Variants in HEATR6 observed in about 807,000 individuals in gnomAD.
The protein encoded by HEATR6 is HEAT repeat-containing protein 6.
A neutral mutation model predicts 132.8 loss-of-function variants in HEATR6; 106 were observed. The observed-to-expected ratio is 0.80, with a 90% CI of 0.68 to 0.94. The LOEUF (loss-of-function observed/expected upper bound fraction) is 0.94, where lower values mean the gene tolerates loss of function less well. Ranked by LOEUF, HEATR6 falls within the 40% of genes least tolerant of loss-of-function variation. The pLI, the probability that HEATR6 is intolerant of heterozygous loss-of-function variation, is 0.00. For missense variants in HEATR6, 1,339 were observed against 1,425.1 expected (o/e 0.94, Z 0.97); for synonymous variants, 529 against 537.8 (o/e 0.98, Z 0.23).
chr17:60,052,562 C>T (rs1473873049), intron 14 of HEATR6, among the ~76,000 whole-genome samples: 3 of 152,122 alleles, frequency 2.0e-5, no homozygotes, highest in East Asian at 1.9e-4. Context: ...CTTCCCTGCA[C>T]ATGTTATATG....
At chr17:60,073,026 T>C in intron 4 of HEATR6, 138 bp downstream of exon 4, 4 of 512,048 alleles carry the variant, frequency 7.8e-6, no homozygotes, top group East Asian at 3.0e-5. Context: ...GATGATTTTA[T>C]TAGTAAAGTA....
At chr17:60,069,088 A>G (rs1371735657) in intron 7 of HEATR6, among the ~76,000 whole-genome samples, 1 of 152,254 alleles carries the variant, frequency 6.6e-6, no homozygotes, top group Admixed American at 6.5e-5. Flanking sequence ...TTGGCCATAC[A>G]TCTGTATGCT....
chr17:60,049,648 T>C lies in HEATR6; in HGVS notation c.2479A>G (p.Asn827Asp). ...GAAGTTGCAGCTTTCACTAAGCGAT[T>C]CTTGCTGTCATTCAGCCCGAGCAGC... ...TVLLGLNDSK[N>D]RLVKAATSRA... The change falls in exon 16 of 20, where the codon AAT (asparagine) becomes GAT (aspartate). Residue 827 changes from asparagine to aspartate, a missense_variant. Transcript: ENST00000184956. 1 of 1,613,944 alleles carries C rather than the reference T, an allele frequency of 6.2e-7. No homozygotes were observed. The highest frequency in any genetic ancestry group is 8.5e-7 in the Non-Finnish European group (1 of 1,179,830).
chr17:60,055,399 CAT>C (rs893876346), intron 14 of HEATR6, 114 bp downstream of exon 14: 54 of 601,238 alleles, frequency 9.0e-5, no homozygotes, highest in Non-Finnish European at 5.9e-5. Flanking sequence ...GATTATAAAA[CAT>C]AATTTTTGAC....
intron 10 of HEATR6, 150 bp from the exon 11 acceptor site, chr17:60,059,671 C>G: frequency 1.5e-6 from 1 of 650,274 alleles, no homozygotes; most frequent in Non-Finnish European, 2.7e-6. Context: ...CTCATTGGTA[C>G]AACTAAAGAT....
chr17:60,059,316 T>G, intron 11 of HEATR6, 106 bp downstream of exon 11: 1 of 629,096 alleles, frequency 1.6e-6, no homozygotes, highest in Non-Finnish European at 2.7e-6. Flanking sequence ...TCTTAAGAGT[T>G]GTAAAAATGC....
At chr17:60,074,093 C>G (rs539322650) in intron 2 of HEATR6, 2 of 1,271,976 alleles carry the variant, frequency 1.6e-6, no homozygotes, top group Non-Finnish European at 9.9e-7. Context: ...TCACTTCTTC[C>G]TCTTTAGTAA....
Position 60,048,319 on chromosome 17 carries a change from G to T in HEATR6, c.2617C>A (p.Arg873=). The T allele has an allele frequency of 6.2e-7, 1 of 1,613,554 alleles. No individual in the cohort carries two copies. Among genetic ancestry groups the T allele is most frequent in the Non-Finnish European group, 8.5e-7 (1 of 1,179,654 alleles). The change falls in exon 17 of 20, where the codon CGA becomes AGA. Residue 873 remains arginine, a synonymous_variant. Coordinates refer to ENST00000184956, the MANE Select transcript of HEATR6 (RefSeq NM_022070.5). Reference sequence around the variant, plus strand: ...CCCAGGGACCAGGCTGCTTTGGCTCGAACATTCAGAGACTTGTCTTCAAGT... The same window carrying T: ...CCCAGGGACCAGGCTGCTTTGGCTCTAACATTCAGAGACTTGTCTTCAAGT... ...MSLEDKSLNV[R]AKAAWSLGNL... is the part of the protein sequence containing the mutation.
intron 2 of HEATR6, among the ~76,000 whole-genome samples, chr17:60,075,183 A>G (rs549815900): frequency 4.2e-4 from 64 of 152,314 alleles, no homozygotes; most frequent in Middle Eastern, 6.8e-3. Context: ...CTGAACAGTA[A>G]TCATTTCTTT....
In HEATR6 at chr17:60,078,755, G is replaced by A. The variant is rs116630414; in HGVS notation, c.160C>T (p.Leu54=). The A allele has an allele frequency of 2.3e-3, 3,539 of 1,567,316 alleles. 104 individuals are homozygous for A. In the Admixed American group the frequency reaches 0.054, roughly 24 times the overall value. Residue 54 remains leucine (L), a synonymous_variant, in exon 1 of 20, where the codon CTG becomes TTG. Coordinates refer to ENST00000184956, the MANE Select transcript of HEATR6 (RefSeq NM_022070.5). The part of the protein sequence containing the change: ...DSSSARTEIH[L]LFDQLISENY... Reference sequence around the variant, plus strand: ...TCGGAGATGAGCTGATCGAAGAGCAGGTGGATCTCGGTGCGGGCGGAGCTG... The same window carrying A: ...TCGGAGATGAGCTGATCGAAGAGCAAGTGGATCTCGGTGCGGGCGGAGCTG...
In HEATR6 at chr17:60,078,876, C is replaced by G. The variant is rs371102070; in HGVS notation, c.39G>C (p.Val13=). Residue 13 remains valine, a synonymous_variant, in exon 1 of 20, where the codon GTG becomes GTC. Coordinates refer to ENST00000184956, the MANE Select transcript of HEATR6 (RefSeq NM_022070.5). ...AVQVVGSWPS[V]QPREAPREAI... The stretch of plus-strand genomic sequence containing the variant: ...CTTCCCGCGGTGCCTCCCGCGGCTG[C>G]ACGGAAGGCCACGAACCGACAACTT... The G allele has an allele frequency of 6.3e-7, 1 of 1,589,304 alleles. No individual in the cohort carries two copies. The highest frequency in any genetic ancestry group is 1.5e-5 in the African/African-American group (1 of 67,594).
At chr17:60,049,119 G>C (rs1906492491) in intron 16 of HEATR6, among the ~76,000 whole-genome samples, 1 of 143,896 alleles carries the variant, frequency 6.9e-6, no homozygotes, top group Admixed American at 6.9e-5. Flanking sequence ...GAGAGAGACA[G>C]AGAGTGTGTG....
In HEATR6 at chr17:60,048,268, T is replaced by C; in HGVS notation, c.2668A>G (p.Asn890Asp). 1.2e-6 allele frequency: 2 copies of C among 1,612,766 alleles called. No individual in the cohort carries two copies. The highest frequency in any genetic ancestry group is 2.2e-5 in the South Asian group (2 of 90,970). ...AAAGCAAGCTCAGTCACCTACATGT[T>C]GACAATCAGAGTGTCTGTCAGGTTG... is the stretch of plus-strand genomic sequence containing the variant. ...LGNLTDTLIV[N>D]METPDPSFQE... The change falls in exon 17 of 20, where the codon AAC becomes GAC. Residue 890 changes from asparagine (N) to aspartate (D), a missense_variant. By Grantham distance (23) the Asn-to-Asp change is conservative. Transcript: ENST00000184956.
rs2145174791 is a variant in HEATR6 at position 60,042,391 on chromosome 17, TCGCG to T, written c.*1168_*1171del. Among the ~76,000 whole-genome samples, 1 of 146,616 alleles carries T rather than the reference TCGCG, an allele frequency of 6.8e-6. No homozygotes were observed. The highest frequency in any genetic ancestry group is 1.5e-5 in the Non-Finnish European group (1 of 67,452). Reference sequence around the variant, plus strand: ...TGGCTGTGAGGCACTGTCAGCATCCTCGCGTCCTGTGCGGCTGTGAGGCACTGTC... The same window carrying T: ...TGGCTGTGAGGCACTGTCAGCATCCTTCCTGTGCGGCTGTGAGGCACTGTC... On this transcript the variant is annotated 3_prime_UTR_variant, in exon 20 of 20. Coordinates refer to ENST00000184956, the MANE Select transcript of HEATR6 (RefSeq NM_022070.5).
At chr17:60,076,861 G>A (rs1021569345) in intron 1 of HEATR6, among the ~76,000 whole-genome samples, 4 of 150,366 alleles carry the variant, frequency 2.7e-5, no homozygotes, top group African/African-American at 9.8e-5. Flanking sequence ...AATATCAAAA[G>A]GTAAGTGAAC....
chr17:60,061,251 T>C (rs370093029), intron 9 of HEATR6, among the ~76,000 whole-genome samples: 177 of 152,310 alleles, frequency 1.2e-3, no homozygotes, highest in African/African-American at 3.9e-3. Flanking sequence ...AATTATATTA[T>C]CTCCAAACAA....
Position 60,072,989 on chromosome 17 carries a change from C to T in HEATR6, c.584+175G>A, listed in dbSNP as rs117259689. 2.0e-5 allele frequency among the ~76,000 whole-genome samples: 3 copies of T among 152,212 alleles called. No homozygotes were observed. The East Asian group carries it at 5.8e-4, about 29-fold the overall frequency. On this transcript the variant is annotated intron_variant, in intron 4 of 19. Coordinates refer to ENST00000184956, the MANE Select transcript of HEATR6 (RefSeq NM_022070.5). Reference sequence around the variant, plus strand: ...AGTCTATTTTTTCCTTCTTTACAAGCAATACTAAAATTAACAAACAACATA... The same window carrying T: ...AGTCTATTTTTTCCTTCTTTACAAGTAATACTAAAATTAACAAACAACATA...
intron 3 of HEATR6, 83 bp downstream of exon 3, chr17:60,073,663 C>A: frequency 7.5e-7 from 1 of 1,340,922 alleles, no homozygotes; most frequent in Non-Finnish European, 1.0e-6. Flanking sequence ...AGATTAGTGG[C>A]AAGATAGAAA....
chr17:60,046,327 T>C, intron 18 of HEATR6, 98 bp from the exon 19 acceptor site: 1 of 873,070 alleles, frequency 1.1e-6, no homozygotes, highest in Non-Finnish European at 1.7e-6. Flanking sequence ...GTCTTCAACT[T>C]CTTAAAGCAA....
Sources: gnomAD v4.1 joint callset for allele counts (sites outside exome capture counted in the v4.1 genomes callset) on GRCh38, gnomAD v4.1.1 for gene constraint, MANE v1.5 for transcripts, NCBI Gene and HGNC (gene_info 2026-07-23, HGNC 2026-07-21) for gene names.